Variants in FYB2 observed in about 807,000 individuals in gnomAD.
FYB2 encodes FYN binding protein 2, also known as FYN-binding protein 2.
FYB2 carries 103 observed loss-of-function variants against 94.1 expected under a neutral mutation model. The observed-to-expected ratio is 1.09, with a 90% CI of 0.93 to 1.29. The LOEUF (loss-of-function observed/expected upper bound fraction) is 1.29. FYB2 is among the 50% of genes most tolerant of loss of function. The probability of loss-of-function intolerance (pLI) is 0.00; values close to 1 mark genes in which losing one functional copy is unlikely to be tolerated. For synonymous variants in FYB2, 293 were observed against 287.9 expected (o/e 1.02, Z -0.18); for missense variants, 896 against 841.5 (o/e 1.06, Z -0.80).
chr1:56,818,145 G>A (rs1418881648), intron 1 of FYB2, among the ~76,000 whole-genome samples: 1 of 152,104 alleles, frequency 6.6e-6, no homozygotes, highest in Non-Finnish European at 1.5e-5. Flanking sequence ...CCGTCAAGGA[G>A]GAGTTTCTTA....
chr1:56,728,402 T>A (rs1033175199), intron 15 of FYB2, among the ~76,000 whole-genome samples: 2 of 152,134 alleles, frequency 1.3e-5, no homozygotes, highest in African/African-American at 4.8e-5. Context: ...AATTATGTTT[T>A]GGTATCAGGC....
chr1:56,794,149 A>G (rs969710848), intron 1 of FYB2, among the ~76,000 whole-genome samples: 2 of 152,160 alleles, frequency 1.3e-5, no homozygotes, highest in African/African-American at 4.8e-5. Flanking sequence ...CTCTAAATTC[A>G]GCTCCAATTT....
chr1:56,818,774 C>G (rs917710847), intron 1 of FYB2, among the ~76,000 whole-genome samples: 1 of 151,930 alleles, frequency 6.6e-6, no homozygotes, highest in Non-Finnish European at 1.5e-5. Context: ...CTCAGGATGA[C>G]GGACACACTT....
intron 7 of FYB2, among the ~76,000 whole-genome samples, chr1:56,755,459 A>G (rs1415524447): frequency 6.6e-6 from 1 of 152,110 alleles, no homozygotes; most frequent in African/African-American, 2.4e-5. Flanking sequence ...ATTGGGGTGA[A>G]TCAATGACTT....
In FYB2 at chr1:56,751,157, A is replaced by G. The variant is rs1373445674; in HGVS notation, c.1274T>C (p.Val425Ala). 1.9e-6 allele frequency: 3 copies of G among 1,612,542 alleles called. No individual in the cohort carries two copies. The African/African-American group carries it at 4.0e-5, about 22-fold the overall frequency. The change falls in exon 9 of 20, where the codon GTC becomes GCC. Residue 425 changes from valine (V) to alanine (A), a missense_variant. Val to Ala is a moderately conservative substitution (Grantham distance 64). Coordinates refer to ENST00000343433, the MANE Select transcript of FYB2 (RefSeq NM_001004303.5). ...CAACATGTTCCTTCTACCTGTGTGGACGTTGGTCATCTGAATTTTTTCAGG... is the reference window on the plus strand; with the variant it reads ...CAACATGTTCCTTCTACCTGTGTGGGCGTTGGTCATCTGAATTTTTTCAGG... ...GTPEKIQMTN[V>A]HTGRRNMLAG...
At chr1:56,732,287 T>C (rs887504021) in intron 15 of FYB2, among the ~76,000 whole-genome samples, 1 of 152,102 alleles carries the variant, frequency 6.6e-6, no homozygotes, top group Admixed American at 6.6e-5. Flanking sequence ...GGTGAAAGAC[T>C]TCTACAAAGA....
intron 17 of FYB2, among the ~76,000 whole-genome samples, chr1:56,721,429 C>A (rs558660496): frequency 2.0e-5 from 3 of 151,984 alleles, no homozygotes; most frequent in Admixed American, 6.6e-5. Flanking sequence ...TCAACCTATA[C>A]CAAATGAGAT....
chr1:56,796,669 C>A (rs1042412535), intron 1 of FYB2, among the ~76,000 whole-genome samples: 1 of 152,168 alleles, frequency 6.6e-6, no homozygotes, highest in African/African-American at 2.4e-5. Flanking sequence ...CCATCCTAAT[C>A]CCGACCCTCT....
intron 5 of FYB2, among the ~76,000 whole-genome samples, chr1:56,763,664 A>AT (rs200065793): frequency 0.03 from 4,487 of 150,812 alleles, 185 homozygotes; most frequent in Admixed American, 0.12. Context: ...AAGTTTATCT[A>AT]TTTTTTCAGC....
At chr1:56,783,600 A>G (rs910919423) in intron 4 of FYB2, among the ~76,000 whole-genome samples, 1 of 152,188 alleles carries the variant, frequency 6.6e-6, no homozygotes, top group Non-Finnish European at 1.5e-5. Flanking sequence ...TGTACCAAAG[A>G]GTGTATCTTA....
At chr1:56,761,430 C>A (rs1021380237) in intron 5 of FYB2, among the ~76,000 whole-genome samples, 3 of 152,112 alleles carry the variant, frequency 2.0e-5, no homozygotes, top group Non-Finnish European at 4.4e-5. Flanking sequence ...TTTCTTCCAT[C>A]CATGGCTTTA....
chr1:56,737,165 T>C lies in FYB2; in HGVS notation c.1733-18A>G, dbSNP rs947251755. 1.9e-6 allele frequency: 3 copies of C among 1,561,742 alleles called. No homozygotes were observed. In the African/African-American group the frequency reaches 4.1e-5, roughly 21 times the overall value. On this transcript the variant is annotated intron_variant, in intron 14 of 19. Transcript: ENST00000343433. ...CTTAAGTTCTAGGGTCAAGACAGAA[T>C]CAAAATAGTCCATTATTAAGCATGG... is the stretch of plus-strand genomic sequence containing the variant.
intron 2 of FYB2, among the ~76,000 whole-genome samples, chr1:56,790,275 C>T (rs1646230321): frequency 6.6e-6 from 1 of 152,196 alleles, no homozygotes; most frequent in African/African-American, 2.4e-5. Flanking sequence ...TATTGCTCCA[C>T]CCACAGCGGG....
At chr1:56,733,241 A>G (rs1279664984) in intron 15 of FYB2, among the ~76,000 whole-genome samples, 1 of 152,120 alleles carries the variant, frequency 6.6e-6, no homozygotes, top group Non-Finnish European at 1.5e-5. Context: ...TAGTATTCTG[A>G]TGGTAGTTTG....
intron 9 of FYB2, among the ~76,000 whole-genome samples, chr1:56,750,584 C>T (rs1036395627): frequency 4.6e-5 from 7 of 151,908 alleles, no homozygotes; most frequent in African/African-American, 1.2e-4. Context: ...AGGTAAAATG[C>T]AACCTGAATA....
At chr1:56,729,674 T>G (rs1047230738) in intron 15 of FYB2, among the ~76,000 whole-genome samples, 6 of 152,096 alleles carry the variant, frequency 3.9e-5, no homozygotes, top group African/African-American at 1.4e-4. Context: ...TTAACAGACA[T>G]CTACAGAACT....
intron 15 of FYB2, among the ~76,000 whole-genome samples, chr1:56,735,152 A>G (rs1644803446): frequency 6.6e-6 from 1 of 152,148 alleles, no homozygotes. Context: ...AGAGACATCT[A>G]TGCTCCCATG....
intron 6 of FYB2, 53 bp downstream of exon 6, chr1:56,758,663 C>T: frequency 4.3e-6 from 6 of 1,389,106 alleles, no homozygotes; most frequent in African/African-American, 1.5e-5. Flanking sequence ...TTAGAATCAA[C>T]CTTGCATGCT....
chr1:56,770,254 T>C (rs1645722769), intron 4 of FYB2, among the ~76,000 whole-genome samples: 1 of 152,066 alleles, frequency 6.6e-6, no homozygotes, highest in Admixed American at 6.6e-5. Context: ...AATAGGCCAA[T>C]AAATCATTAA....
Sources: allele counts gnomAD v4.1 joint callset (sites outside exome capture counted in the v4.1 genomes callset), GRCh38; gene constraint gnomAD v4.1.1; transcripts MANE v1.5; gene names NCBI Gene and HGNC (gene_info 2026-07-23, HGNC 2026-07-21).